The following RELN variants were observed in gnomAD, a reference collection of about 807,000 sequenced individuals.
RELN encodes the protein reelin.
A neutral mutation model predicts 427.6 loss-of-function variants in RELN; 108 were observed. The ratio of observed to expected loss-of-function variants is 0.25; its 90% CI spans 0.22 to 0.30. The LOEUF is 0.30. Among genes scored for constraint, RELN ranks in the 10% least tolerant of loss-of-function variants. RELN has a pLI of 1.00. For synonymous variants in RELN, 1,524 were observed against 1,513.4 expected (o/e 1.01, Z -0.16); for missense variants, 3,715 against 4,302.8 (o/e 0.86, Z 3.82).
At chr7:103,803,072 A>T (rs1792508815) in intron 3 of RELN, among the ~76,000 whole-genome samples, 1 of 152,148 alleles carries the variant, frequency 6.6e-6, no homozygotes, top group Non-Finnish European at 1.5e-5. Flanking sequence ...TCACCCACAT[A>T]GATACATGAA....
At chr7:103,867,500 T>G (rs1351297575) in intron 2 of RELN, among the ~76,000 whole-genome samples, 1 of 152,080 alleles carries the variant, frequency 6.6e-6, no homozygotes, top group East Asian at 1.9e-4. Flanking sequence ...ATCAAAACTG[T>G]GGAGGAGCTT....
At chr7:103,688,403 AG>A (rs1833806013) in intron 10 of RELN, among the ~76,000 whole-genome samples, 1 of 152,112 alleles carries the variant, frequency 6.6e-6, no homozygotes, top group Non-Finnish European at 1.5e-5. Flanking sequence ...AAAACCATCA[AG>A]TGAACTGCTG....
chr7:103,522,475 C>T (rs1203980994), intron 47 of RELN, among the ~76,000 whole-genome samples: 1 of 152,200 alleles, frequency 6.6e-6, no homozygotes, highest in Non-Finnish European at 1.5e-5. Context: ...AGGCCCATCT[C>T]ATATCACACA....
chr7:103,524,973 C>T (rs184366331), intron 46 of RELN, among the ~76,000 whole-genome samples: 45 of 152,224 alleles, frequency 3.0e-4, no homozygotes, highest in African/African-American at 9.6e-4. Flanking sequence ...GCCTGATATC[C>T]GCCTGAACCT....
chr7:103,589,654 C>T lies in RELN; in HGVS notation c.4087G>A (p.Gly1363Arg), dbSNP rs114195202. The T allele has an allele frequency of 1.2e-6, 2 of 1,614,086 alleles. No homozygotes were observed. Among genetic ancestry groups the T allele is most frequent in the East Asian group, 4.5e-5 (2 of 44,864 alleles). Residue 1363 changes from glycine to arginine, a missense_variant, in exon 28 of 65, where the codon GGG (glycine) becomes AGG (arginine). By Grantham distance (125) the Gly-to-Arg change is moderately radical. This residue lies in a region of RELN where 2,208 missense variants were observed against 2,361.7 expected (regional missense o/e 0.93). Transcript: ENST00000428762. Reference sequence around the variant, plus strand: ...ATTCTTGTCCATTCTTCAAAGTCCCCTGTGTGATACATGGTGGGCTCACTT... The same window carrying T: ...ATTCTTGTCCATTCTTCAAAGTCCCTTGTGTGATACATGGTGGGCTCACTT... Reference protein sequence around the residue: ...ELSEPTMYHTGDFEEWTRITI... With the variant: ...ELSEPTMYHTRDFEEWTRITI...
intron 20 of RELN, 73 bp from the exon 21 acceptor site, chr7:103,611,876 C>T: frequency 8.7e-7 from 1 of 1,151,126 alleles, no homozygotes. Flanking sequence ...GTCTTCACTT[C>T]ACACTATATA....
intron 3 of RELN, among the ~76,000 whole-genome samples, chr7:103,818,030 T>C (rs969514730): frequency 6.6e-6 from 1 of 150,488 alleles, no homozygotes; most frequent in Non-Finnish European, 1.5e-5. Context: ...AAGATCAATA[T>C]GCAGGCACAA....
intron 3 of RELN, among the ~76,000 whole-genome samples, chr7:103,816,142 G>A (rs1374475013): frequency 6.6e-6 from 1 of 152,200 alleles, no homozygotes; most frequent in Non-Finnish European, 1.5e-5. Context: ...ACTTTGGGAG[G>A]CCGAGGTGGG....
At chr7:103,926,627 GTTTTTTTTTTTTTTTTTT>G (rs60259062) in intron 1 of RELN, among the ~76,000 whole-genome samples, 43,748 of 101,024 alleles carry the variant, frequency 0.43, 6,892 homozygotes, top group Middle Eastern at 0.57. Context: ...AGTATCATAA[GTTTTTTTTTTTTTTTTTT>G]TTTTTTTTTT....
chr7:103,517,536 C>G (rs1011120104), intron 49 of RELN, among the ~76,000 whole-genome samples: 1 of 152,178 alleles, frequency 6.6e-6, no homozygotes, highest in East Asian at 1.9e-4. Context: ...AAACATAACT[C>G]TCTTTTCCTT....
At chr7:103,826,223 TC>T (rs1469305461) in intron 3 of RELN, among the ~76,000 whole-genome samples, 3 of 151,924 alleles carry the variant, frequency 2.0e-5, no homozygotes. Context: ...ATCTGGGACT[TC>T]CTAGTCTCCA....
chr7:103,580,464 T>C (rs959260311), intron 28 of RELN, among the ~76,000 whole-genome samples: 4 of 152,264 alleles, frequency 2.6e-5, no homozygotes, highest in African/African-American at 4.8e-5. Flanking sequence ...CCTCAAAGTA[T>C]TGGCTCACTT....
At position 103,989,094 on chromosome 7, in the gene RELN, C is replaced by A; in HGVS notation, c.226+37G>T. Reference sequence around the variant, plus strand: ...GAGAAAGGTGCGCTGGCGGGCGCACCCGGCGGCGGCGAGCGCGGAGGTGCT... The same window carrying A: ...GAGAAAGGTGCGCTGGCGGGCGCACACGGCGGCGGCGAGCGCGGAGGTGCT... On this transcript the variant is annotated intron_variant, in intron 1 of 64. Transcript: ENST00000428762. This position sits in a 1 kb window ranked among gnomAD's most constrained non-coding sequence, Gnocchi z 4.9. 1 of 1,589,322 alleles carries A rather than the reference C, an allele frequency of 6.3e-7. No individual in the cohort carries two copies. Among genetic ancestry groups the A allele is most frequent in the Non-Finnish European group, 8.6e-7 (1 of 1,159,760 alleles).
Position 103,535,334 on chromosome 7 carries a change from G to A in RELN, c.7331C>T (p.Pro2444Leu). 1.2e-6 allele frequency: 2 copies of A among 1,613,972 alleles called. No homozygotes were observed. The highest frequency in any genetic ancestry group is 1.1e-5 in the South Asian group (1 of 91,074). Residue 2444 changes from proline to leucine, a missense_variant, in exon 46 of 65, where the codon CCT becomes CTT. Around this residue, in one of 4 missense-constraint regions of RELN, gnomAD observed 1,310 missense variants for 1,643.0 expected, o/e 0.80. Coordinates refer to ENST00000428762, the MANE Select transcript of RELN (RefSeq NM_005045.4). ...TFNKWTRITL[P>L]LPPYTRSQAT... ...TTCTTACCTGGTATAAGGAGGGAGA[G>A]GCAGAGTGATTCTAGTCCACTTGTT...
chr7:103,721,914 A>G (rs1437257543), intron 8 of RELN, among the ~76,000 whole-genome samples: 1 of 152,202 alleles, frequency 6.6e-6, no homozygotes, highest in Non-Finnish European at 1.5e-5. Flanking sequence ...GTAGCACCAC[A>G]ACTCTTTAAA....
At chr7:103,615,407 T>C (rs1106655) in intron 20 of RELN, among the ~76,000 whole-genome samples, 2,167 of 152,316 alleles carry the variant, frequency 0.014, 45 homozygotes, top group African/African-American at 0.048. Context: ...TTGCTGAGGA[T>C]CTGTTTTTTG....
At chr7:103,731,278 C>T (rs1231880391) in intron 6 of RELN, among the ~76,000 whole-genome samples, 1 of 152,004 alleles carries the variant, frequency 6.6e-6, no homozygotes, top group Admixed American at 6.6e-5. Flanking sequence ...AGGGCACATA[C>T]AATGCAGAAA....
At chr7:103,726,175 A>G (rs1410376125) in intron 7 of RELN, among the ~76,000 whole-genome samples, 2 of 152,136 alleles carry the variant, frequency 1.3e-5, no homozygotes, top group Non-Finnish European at 2.9e-5. Context: ...CGAATTCCTC[A>G]CTTTTCATTT....
rs74845690 is a variant in RELN at position 103,504,430 on chromosome 7, T to G, written c.8275-1200A>C. The G allele has an allele frequency of 1.7e-3, 254 of 152,344 alleles. 1 individual carries two copies. The highest frequency in any genetic ancestry group is 5.9e-3 in the African/African-American group (244 of 41,594). 9.4% of individuals were successfully genotyped at this position (152,344 alleles called of 1,614,324 possible). A position where few individuals can be genotyped will look rare whatever the true frequency, so the allele number is the denominator to read the frequency against. ...ATTTCATCCTGAGCAGGAACACATT[T>G]ACTCTTATAAAAGTTTCAGCTTGAG... On this transcript the variant is annotated intron_variant, in intron 51 of 64. Coordinates refer to ENST00000428762, the MANE Select transcript of RELN (RefSeq NM_005045.4).
Sources: gnomAD v4.1 joint callset for allele counts (sites outside exome capture counted in the v4.1 genomes callset) on GRCh38, gnomAD v4.1.1 for gene constraint, gnomAD v4.1.1 regional missense constraint, Gnocchi (gnomAD v3.1) non-coding constraint, MANE v1.5 for transcripts, NCBI Gene and HGNC (gene_info 2026-07-23, HGNC 2026-07-21) for gene names.